Variants in SLC13A3 observed in about 807,000 individuals in gnomAD.
SLC13A3 encodes the protein Na(+)/dicarboxylate cotransporter 3.
In SLC13A3, 40 loss-of-function variants were observed where a neutral mutation model predicts 59.0. That is an observed-to-expected ratio of 0.68 (90% CI 0.53 to 0.88). SLC13A3 has a LOEUF of 0.88. Ranked by LOEUF, SLC13A3 falls within the 40% of genes least tolerant of loss-of-function variation. SLC13A3 has a pLI of 0.00. For synonymous variants in SLC13A3, 317 were observed against 330.3 expected (o/e 0.96, Z 0.44); for missense variants, 699 against 783.2 (o/e 0.89, Z 1.28).
chr20:46,626,111 CTCTCTCTCTCTG>C lies in SLC13A3; in HGVS notation c.112-12398_112-12387del, dbSNP rs1259703977. ...TCAAAGCTGTATTCTCTCTCTCTCT[CTCTCTCTCTCTG>C]TCTCTCTCTCTCTCTGTCTCTCTGT... On this transcript the variant is annotated intron_variant, in intron 1 of 12. Coordinates refer to ENST00000279027, the MANE Select transcript of SLC13A3 (RefSeq NM_022829.6). 9.2e-3 allele frequency among the ~76,000 whole-genome samples: 1,381 copies of C among 150,814 alleles called. 23 individuals are homozygous for C. Among genetic ancestry groups the C allele is most frequent in the African/African-American group, 0.032 (1,312 of 40,548 alleles).
intron 1 of SLC13A3, among the ~76,000 whole-genome samples, chr20:46,658,899 T>C (rs891208797): frequency 1.3e-5 from 2 of 152,238 alleles, no homozygotes; most frequent in Non-Finnish European, 2.9e-5. Flanking sequence ...CTTTCTATCA[T>C]TCTAAAATCT....
intron 3 of SLC13A3, among the ~76,000 whole-genome samples, chr20:46,604,935 C>A (rs1172178149): frequency 2.0e-5 from 3 of 152,216 alleles, no homozygotes; most frequent in African/African-American, 7.2e-5. Context: ...TCGCTCTACC[C>A]TCTTCCCACC....
intron 1 of SLC13A3, among the ~76,000 whole-genome samples, chr20:46,663,082 T>C (rs1235849687): frequency 6.6e-6 from 1 of 152,122 alleles, no homozygotes; most frequent in African/African-American, 2.4e-5. Context: ...AGACCAGAAG[T>C]TTGATATCAG....
At chr20:46,563,247 T>TCATC (rs1394434869) in intron 12 of SLC13A3, among the ~76,000 whole-genome samples, 167 bp downstream of exon 12, 1 of 152,212 alleles carries the variant, frequency 6.6e-6, no homozygotes, top group Non-Finnish European at 1.5e-5. Flanking sequence ...AGTGCAGGAA[T>TCATC]CATCCCAGAG....
In SLC13A3 at chr20:46,613,337, A is replaced by AAATAAATAAATG. The variant is rs1416690795; in HGVS notation, c.377+122_377+123insCATTTATTTATT. On this transcript the variant is annotated intron_variant, in intron 2 of 12. Transcript: ENST00000279027. ...TAAATAAATAAATAAATAAATAAATAAATGGTGGGAACCGATGAGTTTCTT... is the reference window on the plus strand; with the variant it reads ...TAAATAAATAAATAAATAAATAAATAAATAAATAAATGAATGGTGGGAACCGATGAGTTTCTT... 3.4e-5 allele frequency: 24 copies of AAATAAATAAATG among 709,332 alleles called. No homozygotes were observed. In the East Asian group the frequency reaches 5.0e-4, roughly 15 times the overall value. 43.9% of individuals were successfully genotyped at this position (709,332 alleles called of 1,614,324 possible). A position where few individuals can be genotyped will look rare whatever the true frequency, so the allele number is the denominator to read the frequency against.
chr20:46,660,523 C>T (rs1156501879), intron 1 of SLC13A3, among the ~76,000 whole-genome samples: 1 of 152,126 alleles, frequency 6.6e-6, no homozygotes, highest in Non-Finnish European at 1.5e-5. Context: ...CATTGTTCCC[C>T]TGTAAGTAAT....
At chr20:46,596,791 C>T (rs1472843052) in intron 4 of SLC13A3, among the ~76,000 whole-genome samples, 1 of 152,182 alleles carries the variant, frequency 6.6e-6, no homozygotes, top group Admixed American at 6.5e-5. Flanking sequence ...TGGCTCACTC[C>T]TGTAACTCCA....
intron 5 of SLC13A3, 152 bp downstream of exon 5, chr20:46,596,005 G>A: frequency 1.6e-6 from 1 of 636,880 alleles, no homozygotes; most frequent in Non-Finnish European, 2.6e-6. Context: ...GTTCCCCAAG[G>A]GCAGGGATCT....
At chr20:46,652,389 T>G (rs114168049), upstream of SLC13A3, among the ~76,000 whole-genome samples, 2,004 of 146,606 alleles carry the variant, frequency 0.014, 59 homozygotes, top group African/African-American at 0.045. Context: ...TATTTTTGGG[T>G]TTTTTTTTCT....
At chr20:46,641,053 A>C (rs921934894) in intron 1 of SLC13A3, among the ~76,000 whole-genome samples, 1 of 152,026 alleles carries the variant, frequency 6.6e-6, no homozygotes, top group Non-Finnish European at 1.5e-5. Flanking sequence ...GGGTAGGGAG[A>C]GCATGGAGGG....
At chr20:46,631,165 G>A (rs777565156) in intron 1 of SLC13A3, among the ~76,000 whole-genome samples, 6 of 152,184 alleles carry the variant, frequency 3.9e-5, no homozygotes, top group South Asian at 2.1e-4. Flanking sequence ...CAGGGGACAC[G>A]TTTTAGTCTC....
chr20:46,591,168 A>C (rs1212732750), intron 6 of SLC13A3, among the ~76,000 whole-genome samples: 2 of 126,996 alleles, frequency 1.6e-5, no homozygotes, highest in Non-Finnish European at 3.2e-5. Context: ...CTTTGTCTAA[A>C]TAAATAAATA....
chr20:46,647,673 T>C (rs1228877452), intron 1 of SLC13A3, among the ~76,000 whole-genome samples: 2 of 152,154 alleles, frequency 1.3e-5, no homozygotes, highest in Admixed American at 6.6e-5. Context: ...GTAAGAATTG[T>C]TCCTTCCAGC....
At chr20:46,581,681 C>T (rs1286106119) in intron 9 of SLC13A3, among the ~76,000 whole-genome samples, 1 of 152,148 alleles carries the variant, frequency 6.6e-6, no homozygotes, top group Non-Finnish European at 1.5e-5. Context: ...GGGGCGATGC[C>T]ACAGGGAATA....
intron 6 of SLC13A3, among the ~76,000 whole-genome samples, 181 bp downstream of exon 6, chr20:46,592,223 G>GCATA (rs11469301): frequency 0.15 from 22,317 of 151,024 alleles, 1,742 homozygotes; most frequent in East Asian, 0.36. Flanking sequence ...AAAACTAAAT[G>GCATA]CATACATACA....
rs1449578484 is a variant in SLC13A3 at position 46,566,405 on chromosome 20, G to A, written c.1333-15C>T. The A allele has an allele frequency of 6.2e-7, 1 of 1,609,548 alleles. No individual in the cohort carries two copies. Among genetic ancestry groups the A allele is most frequent in the Non-Finnish European group, 8.5e-7 (1 of 1,177,072 alleles). ...AGCCCCGATTCCTGCGGAGGGAAAGGCATTCCTTCATACCCCAGCCCATCC... is the reference window on the plus strand; with the variant it reads ...AGCCCCGATTCCTGCGGAGGGAAAGACATTCCTTCATACCCCAGCCCATCC... On this transcript the variant is annotated splice_polypyrimidine_tract_variant and intron_variant, in intron 10 of 12. Transcript: ENST00000279027.
chr20:46,642,588 C>G (rs1220292540), intron 1 of SLC13A3, among the ~76,000 whole-genome samples: 1 of 152,174 alleles, frequency 6.6e-6, no homozygotes, highest in African/African-American at 2.4e-5. Context: ...CAGGACTCTT[C>G]CTGCTCCTGG....
At chr20:46,586,193 G>A (rs2062189440) in intron 8 of SLC13A3, among the ~76,000 whole-genome samples, 1 of 151,892 alleles carries the variant, frequency 6.6e-6, no homozygotes, top group Non-Finnish European at 1.5e-5. Flanking sequence ...TCTTGGATGG[G>A]GCTAACTGAA....
At chr20:46,653,001 C>T (rs930657498), upstream of SLC13A3, among the ~76,000 whole-genome samples, 7 of 152,308 alleles carry the variant, frequency 4.6e-5, no homozygotes, top group East Asian at 1.3e-3. Flanking sequence ...TCCCTAATGG[C>T]TAGTGATGTT....
Sources: allele counts gnomAD v4.1 joint callset (sites outside exome capture counted in the v4.1 genomes callset), GRCh38; gene constraint gnomAD v4.1.1; transcripts MANE v1.5; gene names NCBI Gene and HGNC (gene_info 2026-07-23, HGNC 2026-07-21).